The following KCNQ1 variants were observed in gnomAD, a reference collection of about 807,000 sequenced individuals.
KCNQ1 encodes the protein potassium voltage-gated channel subfamily Q member 1, also known as potassium voltage-gated channel subfamily KQT member 1.
Under a neutral mutation model 72.4 loss-of-function variants are expected in KCNQ1, and 49 were observed. The ratio of observed to expected loss-of-function variants is 0.68; its 90% CI spans 0.54 to 0.86. The LOEUF is 0.86. KCNQ1 is among the 40% of genes least tolerant of loss of function. KCNQ1 has a pLI of 0.00. For missense variants in KCNQ1, 790 were observed against 945.1 expected (o/e 0.84, Z 2.15); for synonymous variants, 450 against 412.6 (o/e 1.09, Z -1.10).
intron 10 of KCNQ1, chr11:2,655,880 TGCC>T: frequency 2.5e-6 from 1 of 398,740 alleles, no homozygotes; most frequent in Non-Finnish European, 4.4e-6. Flanking sequence ...AGGCCTTCTC[TGCC>T]CCTTGTTATA....
chr11:2,536,936 TC>T lies in KCNQ1; in HGVS notation c.477+8921del, dbSNP rs1847742304. On this transcript the variant is annotated intron_variant, in intron 2 of 15. Transcript: ENST00000155840. The surrounding 1 kb of genome is among the most constrained non-coding windows in gnomAD (Gnocchi z 7.4). ...TAGTACCCCAATCCCCCCCAGTCCC[TC>T]CCTTTACCTCACAGGGCATCCTCCC... Among the ~76,000 whole-genome samples the T allele has an allele frequency of 6.6e-6, 1 of 151,662 alleles. No individual in the cohort carries two copies. Among genetic ancestry groups the T allele is most frequent in the Non-Finnish European group, 1.5e-5 (1 of 67,958 alleles).
intron 15 of KCNQ1, among the ~76,000 whole-genome samples, chr11:2,819,216 C>A (rs1482754313): frequency 1.3e-5 from 2 of 152,222 alleles, no homozygotes; most frequent in Non-Finnish European, 2.9e-5. Context: ...GGCTGTGGCC[C>A]ACTAGGAGGA....
intron 10 of KCNQ1, chr11:2,618,241 C>T (rs1849101907): frequency 2.5e-6 from 1 of 398,302 alleles, no homozygotes; most frequent in Non-Finnish European, 4.4e-6. Flanking sequence ...TTCCCGGGGC[C>T]ACACTGTAAG....
At chr11:2,699,434 G>A (rs1850735470) in intron 11 of KCNQ1, 2 of 402,158 alleles carry the variant, frequency 5.0e-6, no homozygotes, top group Middle Eastern at 6.3e-4. Context: ...AGGAGAGTCT[G>A]GGAGAACCGC....
chr11:2,680,136 C>T, intron 11 of KCNQ1: 1 of 396,338 alleles, frequency 2.5e-6, no homozygotes, highest in Non-Finnish European at 4.4e-6. Flanking sequence ...AAGTGATCTG[C>T]CCGCCTCAGC....
chr11:2,662,230 G>A (rs1210282709), intron 11 of KCNQ1, 149 bp downstream of exon 11: 20 of 997,144 alleles, frequency 2.0e-5, no homozygotes, highest in South Asian at 1.1e-4. Context: ...GCCCCAACAC[G>A]GAGGCACCAG....
At chr11:2,743,384 C>A (rs1846087830) in intron 11 of KCNQ1, among the ~76,000 whole-genome samples, 1 of 152,234 alleles carries the variant, frequency 6.6e-6, no homozygotes, top group South Asian at 2.1e-4. Flanking sequence ...GGCCTCAGAG[C>A]AGGCCCACCA....
intron 11 of KCNQ1, among the ~76,000 whole-genome samples, chr11:2,732,635 C>T (rs574333790): frequency 9.8e-5 from 15 of 152,364 alleles, no homozygotes; most frequent in Admixed American, 7.2e-4. Flanking sequence ...CTGACCTTTC[C>T]GGCCACGGGG....
At chr11:2,510,717 C>G (rs1847185997) in intron 1 of KCNQ1, among the ~76,000 whole-genome samples, 1 of 152,242 alleles carries the variant, frequency 6.6e-6, no homozygotes, top group African/African-American at 2.4e-5. Context: ...GTCTCTGAGG[C>G]CCAGGCCAGA....
At chr11:2,633,442 C>T (rs551684678) in intron 10 of KCNQ1, 12 of 398,398 alleles carry the variant, frequency 3.0e-5, no homozygotes, top group Non-Finnish European at 5.3e-5. Context: ...ATAAAATCTT[C>T]GCTAGACCCA....
At chr11:2,454,065 T>G (rs1254215797) in intron 1 of KCNQ1, among the ~76,000 whole-genome samples, 1 of 152,056 alleles carries the variant, frequency 6.6e-6, no homozygotes, top group Non-Finnish European at 1.5e-5. Flanking sequence ...CCACCACACC[T>G]GGCGTATCAG....
Position 2,494,458 on chromosome 11 carries a change from G to A in KCNQ1, c.387-33470G>A, listed in dbSNP as rs575471972. Reference sequence around the variant, plus strand: ...AAGTGAATGCTTCCAGCTTTTGCCCGTTCAGTATGATATTGCCTGTGGGTT... The same window carrying A: ...AAGTGAATGCTTCCAGCTTTTGCCCATTCAGTATGATATTGCCTGTGGGTT... On this transcript the variant is annotated intron_variant, in intron 1 of 15. Coordinates refer to ENST00000155840, the MANE Select transcript of KCNQ1 (RefSeq NM_000218.3). This position sits in a 1 kb window ranked among gnomAD's most constrained non-coding sequence, Gnocchi z 4.6. Among the ~76,000 whole-genome samples, 121 of 152,100 alleles carry A rather than the reference G, an allele frequency of 8.0e-4. No individual in the cohort carries two copies. Among genetic ancestry groups the A allele is most frequent in the South Asian group, 6.2e-3 (30 of 4,818 alleles).
Position 2,626,681 on chromosome 11 carries a change from A to G in KCNQ1, c.1394-35280A>G, listed in dbSNP as rs144152965. 1 of 398,186 alleles carries G rather than the reference A, an allele frequency of 2.5e-6. No homozygotes were observed. Among genetic ancestry groups the G allele is most frequent in the African/African-American group, 2.1e-5 (1 of 48,414 alleles). 24.7% of individuals were successfully genotyped at this position (398,186 alleles called of 1,614,324 possible). A position where few individuals can be genotyped will look rare whatever the true frequency, so the allele number is the denominator to read the frequency against. On this transcript the variant is annotated intron_variant, in intron 10 of 15. Transcript: ENST00000155840. This position sits in a 1 kb window ranked among gnomAD's most constrained non-coding sequence, Gnocchi z 4.0. ...GTAGCTGGGAATAGAAGTGTGTACC[A>G]TTACACCTGGCCAATTATTTTATTT... is the stretch of plus-strand genomic sequence containing the variant.
At chr11:2,662,538 G>A (rs957258892) in intron 11 of KCNQ1, 27 of 427,560 alleles carry the variant, frequency 6.3e-5, no homozygotes, top group Non-Finnish European at 9.1e-5. Flanking sequence ...GATTTTCCAC[G>A]CCTTCCAGTT....
At chr11:2,616,531 A>G (rs1206672798) in intron 10 of KCNQ1, 4 of 397,674 alleles carry the variant, frequency 1.0e-5, no homozygotes, top group African/African-American at 2.1e-5. Flanking sequence ...CACAGCTATA[A>G]TTTTTCCTCT....
chr11:2,527,515 C>T (rs374389941), intron 1 of KCNQ1, among the ~76,000 whole-genome samples: 22 of 152,246 alleles, frequency 1.4e-4, no homozygotes, highest in African/African-American at 3.9e-4. Context: ...CCACCATCCA[C>T]ATCCAGAACG....
Position 2,690,573 on chromosome 11 carries a change from C to A in KCNQ1, c.1514+28492C>A. 1 of 398,670 alleles carries A rather than the reference C, an allele frequency of 2.5e-6. No individual in the cohort carries two copies. 24.7% of individuals were successfully genotyped at this position (398,670 alleles called of 1,614,324 possible). On this transcript the variant is annotated intron_variant, in intron 11 of 15. Transcript: ENST00000155840. This position sits in a 1 kb window ranked among gnomAD's most constrained non-coding sequence, Gnocchi z 5.1. ...AAGAAGTAACATGTCAAAGATGGGA[C>A]AGAACCCACCTCCTGGCAGGGAGTG... is the stretch of plus-strand genomic sequence containing the variant.
At position 2,497,928 on chromosome 11, in the gene KCNQ1, C is replaced by T. The variant is rs1467103698; in HGVS notation, c.387-30000C>T. On this transcript the variant is annotated intron_variant, in intron 1 of 15. Coordinates refer to ENST00000155840, the MANE Select transcript of KCNQ1 (RefSeq NM_000218.3). The surrounding 1 kb of genome is among the most constrained non-coding windows in gnomAD (Gnocchi z 4.5). The stretch of plus-strand genomic sequence containing the variant: ...GCTTTTCTTCTAAGAGTCAAGCCTG[C>T]AGTCCTGCAGGTCTGCTGCAGTTTG... 2.0e-5 allele frequency among the ~76,000 whole-genome samples: 3 copies of T among 152,182 alleles called. No individual in the cohort carries two copies. The highest frequency in any genetic ancestry group is 7.2e-5 in the African/African-American group (3 of 41,448).
Position 2,668,687 on chromosome 11 carries a change from T to G in KCNQ1, c.1514+6606T>G, listed in dbSNP as rs552318142. 265 of 398,522 alleles carry G rather than the reference T, an allele frequency of 6.6e-4. 1 individual carries two copies. Among genetic ancestry groups the G allele is most frequent in the South Asian group, 4.2e-3 (33 of 7,858 alleles). The allele number at this position is 398,522 out of a possible 1,614,324, so 24.7% of individuals were successfully genotyped here. On this transcript the variant is annotated intron_variant, in intron 11 of 15. Coordinates refer to ENST00000155840, the MANE Select transcript of KCNQ1 (RefSeq NM_000218.3). This position sits in a 1 kb window ranked among gnomAD's most constrained non-coding sequence, Gnocchi z 4.3. ...TGGAGTCATTTGTCAGAGAGAGAGATACACACACTCACACTCTCTCACAGA... is the reference window on the plus strand; with the variant it reads ...TGGAGTCATTTGTCAGAGAGAGAGAGACACACACTCACACTCTCTCACAGA...
Sources: allele counts gnomAD v4.1 joint callset (sites outside exome capture counted in the v4.1 genomes callset), GRCh38; gene constraint gnomAD v4.1.1; non-coding constraint Gnocchi (gnomAD v3.1); transcripts MANE v1.5; gene names NCBI Gene and HGNC (gene_info 2026-07-23, HGNC 2026-07-21).